CLCN5: variants seen among roughly 807,000 people sequenced by gnomAD.
CLCN5 encodes the protein Cl-/H+ antiporter 5.
A neutral mutation model predicts 54.0 loss-of-function variants in CLCN5; 17 were observed. That is an observed-to-expected ratio of 0.31 (90% CI 0.22 to 0.47). The LOEUF is 0.47. Among genes scored for constraint, CLCN5 ranks in the 20% least tolerant of loss-of-function variants. The probability of loss-of-function intolerance (pLI) is 1.00; values close to 1 mark genes in which losing one functional copy is unlikely to be tolerated. For missense variants in CLCN5, 448 were observed against 646.7 expected (o/e 0.69, Z 3.33); for synonymous variants, 222 against 233.0 (o/e 0.95, Z 0.43).
intron 3 of CLCN5, among the ~76,000 whole-genome samples, chrX:49,971,418 A>G (rs1328046162): frequency 2.8e-5 from 3 of 108,687 alleles, no homozygotes; most frequent in Admixed American, 1.0e-4. Flanking sequence ...AAGGTGTGAG[A>G]TTGTACACTT....
In CLCN5 at chrX:50,088,680, A is replaced by G. The variant is rs782615064; in HGVS notation, c.1558-18A>G. ...TCACATCATTTCTCACTAACCATCT[A>G]TTGGTTTCTCTTTGCAGATCCCTTC... is the stretch of plus-strand genomic sequence containing the variant. On this transcript the variant is annotated intron_variant, in intron 11 of 14. Transcript: ENST00000376091. 1 of 1,201,117 alleles carries G rather than the reference A, an allele frequency of 8.3e-7. No individual in the cohort carries two copies. Among genetic ancestry groups the G allele is most frequent in the Non-Finnish European group, 1.1e-6 (1 of 886,156 alleles).
At chrX:49,980,392 A>C (rs1557177525) in intron 3 of CLCN5, among the ~76,000 whole-genome samples, 1 of 112,126 alleles carries the variant, frequency 8.9e-6, no homozygotes, top group Non-Finnish European at 1.9e-5. Flanking sequence ...GTGATTGGAA[A>C]CATTAATATC....
rs1422899033 is a variant in CLCN5, at chrX:50,040,050, AAGAC to A, written c.17-2258_17-2255del. On this transcript the variant is annotated intron_variant, in intron 3 of 14. Coordinates refer to ENST00000376091, the MANE Select transcript of CLCN5 (RefSeq NM_001127898.4). ...CACTTCTTCCTGAATGACAGGAGGG[AAGAC>A]AGACAGAGTCAATTTCTCGTCTGTT... 6.2e-5 allele frequency among the ~76,000 whole-genome samples: 7 copies of A among 112,011 alleles called. No individual in the cohort carries two copies. In the East Asian group the frequency reaches 8.4e-4, roughly 13 times the overall value.
At chrX:50,037,385 G>C (rs1461693476) in intron 3 of CLCN5, among the ~76,000 whole-genome samples, 1 of 112,136 alleles carries the variant, frequency 8.9e-6, no homozygotes, top group East Asian at 2.8e-4. Flanking sequence ...GCATGTAGGT[G>C]GCCTTGCTTA....
At chrX:49,981,257 A>G (rs1372327350) in intron 3 of CLCN5, among the ~76,000 whole-genome samples, 2 of 111,958 alleles carry the variant, frequency 1.8e-5, no homozygotes, top group African/African-American at 6.5e-5. Flanking sequence ...TCTACACTAT[A>G]ATCCAAAAAG....
Position 50,097,269 on chromosome X carries a change from C to A in CLCN5, c.*5050C>A, listed in dbSNP as rs1380930827. On this transcript the variant is annotated 3_prime_UTR_variant, in exon 15 of 15. Coordinates refer to ENST00000376091, the MANE Select transcript of CLCN5 (RefSeq NM_001127898.4). ...CATTCTCATTTCTAAACATCTGGAT[C>A]TGGGTAAAGGTTTGAATAGATGTAG... The A allele has an allele frequency of 8.9e-6, 1 of 112,409 alleles. No individual in the cohort carries two copies. Among genetic ancestry groups the A allele is most frequent in the Non-Finnish European group, 1.9e-5 (1 of 53,328 alleles). 9.3% of individuals were successfully genotyped at this position (112,409 alleles called of 1,213,427 possible). A position where few individuals can be genotyped will look rare whatever the true frequency, so the allele number is the denominator to read the frequency against.
chrX:50,089,808 C>T (rs893630474), intron 12 of CLCN5, among the ~76,000 whole-genome samples: 1 of 111,825 alleles, frequency 8.9e-6, no homozygotes. Context: ...TCACTTAAGC[C>T]TGGAAGATGG....
chrX:49,937,229 T>G (rs1557169901), intron 3 of CLCN5, among the ~76,000 whole-genome samples: 2 of 112,067 alleles, frequency 1.8e-5, no homozygotes, highest in Non-Finnish European at 1.9e-5. Context: ...ATATGTGTTC[T>G]TGCATATGCT....
chrX:50,019,196 C>A (rs1930939986), intron 3 of CLCN5, among the ~76,000 whole-genome samples: 3 of 111,166 alleles, frequency 2.7e-5, no homozygotes, highest in South Asian at 3.8e-4. Context: ...AGAATTGATC[C>A]ATTTCATCTG....
In CLCN5 at chrX:49,972,112, GGTGTGTGTGTGTGTGTGT is replaced by G. The variant is rs61157983; in HGVS notation, c.16+46829_16+46846del. Among the ~76,000 whole-genome samples, 798 of 86,547 alleles carry G rather than the reference GGTGTGTGTGTGTGTGTGT, an allele frequency of 9.2e-3. 6 individuals carry two copies. The highest frequency in any genetic ancestry group is 0.028 in the African/African-American group (668 of 23,618). The allele number at this position is 86,547 out of a possible 115,157, so 75.2% of individuals were successfully genotyped here. A position where few individuals can be genotyped will look rare whatever the true frequency, so the allele number is the denominator to read the frequency against. ...ATTTGCTTTATCATATGCATTCTCT[GGTGTGTGTGTGTGTGTGT>G]GTGTGTGTGTGTGTGTGTGTGTGTG... On this transcript the variant is annotated intron_variant, in intron 3 of 14. Transcript: ENST00000376091.
chrX:50,007,440 T>TCTCACA (rs1374630944), intron 3 of CLCN5, among the ~76,000 whole-genome samples: 3 of 69,532 alleles, frequency 4.3e-5, no homozygotes, highest in African/African-American at 1.1e-4. Flanking sequence ...TCTCTCTCTG[T>TCTCACA]CACACACACA....
Position 49,925,236 on chromosome X carries a change from C to T in CLCN5, c.-63C>T. ...GCTGCCTTTCTATCAAGTCTCCCTA[C>T]AAAACTGAGAGGCTCTGGGAAACTC... On this transcript the variant is annotated 5_prime_UTR_variant, in exon 3 of 15. Coordinates refer to ENST00000376091, the MANE Select transcript of CLCN5 (RefSeq NM_001127898.4). The T allele has an allele frequency of 8.6e-7, 1 of 1,166,172 alleles. No individual in the cohort carries two copies. The highest frequency in any genetic ancestry group is 1.2e-6 in the Non-Finnish European group (1 of 853,778).
chrX:49,937,060 T>C (rs1342879342), intron 3 of CLCN5, among the ~76,000 whole-genome samples: 12 of 111,479 alleles, frequency 1.1e-4, no homozygotes, highest in Non-Finnish European at 1.7e-4. Context: ...CACTCCAGCC[T>C]GGGTGATAGA....
intron 3 of CLCN5, among the ~76,000 whole-genome samples, chrX:49,948,685 A>T (rs1394815784): frequency 8.9e-6 from 1 of 111,796 alleles, no homozygotes; most frequent in Non-Finnish European, 1.9e-5. Context: ...GGGCTTAATC[A>T]CTGGGAACCA....
chrX:49,985,856 G>C (rs1355847489), intron 3 of CLCN5, among the ~76,000 whole-genome samples: 2 of 111,098 alleles, frequency 1.8e-5, no homozygotes, highest in Non-Finnish European at 3.8e-5. Context: ...TTTATAACTA[G>C]AGTCAGATTT....
intron 11 of CLCN5, among the ~76,000 whole-genome samples, chrX:50,087,931 A>G (rs1054693709): frequency 1.8e-5 from 2 of 112,282 alleles, no homozygotes; most frequent in African/African-American, 3.2e-5. Flanking sequence ...AGAATTTACT[A>G]TAGTATCCTA....
intron 4 of CLCN5, among the ~76,000 whole-genome samples, chrX:50,060,326 G>A (rs529411761): frequency 0.016 from 1,726 of 110,463 alleles, 32 homozygotes; most frequent in African/African-American, 0.053. Flanking sequence ...GAAGCAGGGC[G>A]AGGCATTGCC....
intron 3 of CLCN5, among the ~76,000 whole-genome samples, chrX:50,010,216 T>A (rs1930429105): frequency 9.1e-6 from 1 of 109,882 alleles, no homozygotes; most frequent in African/African-American, 3.3e-5. Flanking sequence ...TTTCCTTCCT[T>A]TCCTTTCCTT....
At chrX:50,083,246 A>C (rs782617565) in intron 9 of CLCN5, among the ~76,000 whole-genome samples, 2 of 110,960 alleles carry the variant, frequency 1.8e-5, no homozygotes, top group South Asian at 3.8e-4. Flanking sequence ...AAAGATATTG[A>C]GATTTCAAAT....
Sources: gnomAD v4.1 joint callset for allele counts (sites outside exome capture counted in the v4.1 genomes callset) on GRCh38, gnomAD v4.1.1 for gene constraint, MANE v1.5 for transcripts, NCBI Gene and HGNC (gene_info 2026-07-23, HGNC 2026-07-21) for gene names.